Variants in IFI27 observed in about 807,000 individuals in gnomAD.
IFI27 encodes interferon alpha inducible protein 27, also known as interferon alpha-inducible protein 27, mitochondrial.
In IFI27, 3 loss-of-function variants were observed where a neutral mutation model predicts 8.9. The observed-to-expected ratio is 0.34, with a 90% CI of 0.15 to 0.87. IFI27 has a LOEUF of 0.87. Ranked by LOEUF, IFI27 falls within the 40% of genes least tolerant of loss-of-function variation. The pLI, the probability that IFI27 is intolerant of heterozygous loss-of-function variation, is 0.51. For synonymous variants in IFI27, 66 were observed against 67.3 expected (o/e 0.98, Z 0.09); for missense variants, 152 against 157.7 (o/e 0.96, Z 0.19).
intron 2 of IFI27, chr14:94,112,931 G>A (rs1887247384): frequency 6.6e-6 from 1 of 152,284 alleles, no homozygotes; most frequent in African/African-American, 2.4e-5. Context: ...CAGAAATGCA[G>A]ATGACTTCTC....
chr14:94,110,918 C>G (rs1448697237), intron 1 of IFI27, 121 bp downstream of exon 1: 2 of 154,362 alleles, frequency 1.3e-5, no homozygotes, highest in Non-Finnish European at 2.9e-5. Context: ...TGTTTTTGTT[C>G]TCATCAGGGA....
At chr14:94,108,528 ACATACATT>A (rs1201738901), upstream of IFI27, among the ~76,000 whole-genome samples, 2 of 152,226 alleles carry the variant, frequency 1.3e-5, no homozygotes, top group African/African-American at 4.8e-5. Context: ...GATGTCACAT[ACATACATT>A]CATACATTCA....
chr14:94,114,651 T>C (rs1887319476), intron 2 of IFI27, 200 bp from the exon 3 acceptor site: 1 of 605,452 alleles, frequency 1.7e-6, no homozygotes, highest in African/African-American at 1.8e-5. Flanking sequence ...AGCACTGAGG[T>C]CAAACTCCCC....
chr14:94,106,351 G>T (rs139454318), upstream of IFI27, among the ~76,000 whole-genome samples: 1 of 152,176 alleles, frequency 6.6e-6, no homozygotes, highest in African/African-American at 2.4e-5. Flanking sequence ...TGGGGTTTCT[G>T]GATCATATAG....
At position 94,116,126 on chromosome 14, in the gene IFI27, G is replaced by A; in HGVS notation, c.283+184G>A. The A allele has an allele frequency of 1.3e-6, 1 of 793,478 alleles. No homozygotes were observed. The highest frequency in any genetic ancestry group is 2.1e-6 in the Non-Finnish European group (1 of 469,054). The allele number at this position is 793,478 out of a possible 1,614,324, so 49.2% of individuals were successfully genotyped here. ...AGGGAAGGAGCCCAAGCCAGGAACA[G>A]TGCACTCAGGAAGACTCAGCCCGAA... On this transcript the variant is annotated intron_variant, in intron 4 of 4. Coordinates refer to ENST00000621160, the Ensembl canonical transcript of IFI27. The surrounding 1 kb of genome is among the most constrained non-coding windows in gnomAD (Gnocchi z 4.3).
chr14:94,111,654 T>C lies in IFI27; in HGVS notation c.-29T>C. ...GGCTGAAGTTGAGGATCTCTTACTC[T>C]CTAGGCCACGGAATTAACCCGAGCA... is the stretch of plus-strand genomic sequence containing the variant. On this transcript the variant is annotated 5_prime_UTR_variant, in exon 2 of 5. Transcript: ENST00000621160. The surrounding 1 kb of genome is among the most constrained non-coding windows in gnomAD (Gnocchi z 4.3). 6.3e-7 allele frequency: 1 copy of C among 1,595,842 alleles called. No individual in the cohort carries two copies. The highest frequency in any genetic ancestry group is 8.6e-7 in the Non-Finnish European group (1 of 1,163,336).
chr14:94,108,671 C>G (rs117582757), upstream of IFI27, among the ~76,000 whole-genome samples: 3,218 of 152,076 alleles, frequency 0.021, 101 homozygotes, highest in African/African-American at 0.065. Context: ...ACCTGCTGGA[C>G]CCCTGAATAG....
At position 94,111,947 on chromosome 14, in the gene IFI27, G is replaced by A. The variant is rs891472678; in HGVS notation, c.91+174G>A. 1 of 651,672 alleles carries A rather than the reference G, an allele frequency of 1.5e-6. No homozygotes were observed. Among genetic ancestry groups the A allele is most frequent in the African/African-American group, 1.8e-5 (1 of 56,244 alleles). 40.4% of individuals were successfully genotyped at this position (651,672 alleles called of 1,614,324 possible). A position where few individuals can be genotyped will look rare whatever the true frequency, so the allele number is the denominator to read the frequency against. ...AACTTTCCATCTGGGAGGGGGCCCG[G>A]GGCAGGCAGACTCTGGCCAGATGCC... is the stretch of plus-strand genomic sequence containing the variant. On this transcript the variant is annotated intron_variant, in intron 2 of 4. Coordinates refer to ENST00000621160, the Ensembl canonical transcript of IFI27. This position sits in a 1 kb window ranked among gnomAD's most constrained non-coding sequence, Gnocchi z 4.3.
chr14:94,115,967 G>A, intron 4 of IFI27, 25 bp downstream of exon 4: 1 of 1,555,064 alleles, frequency 6.4e-7, no homozygotes, highest in Admixed American at 1.9e-5. Context: ...GGGGCTTGCT[G>A]GGGAGGGCGA....
chr14:94,114,744 TC>T, intron 2 of IFI27, 106 bp from the exon 3 acceptor site: 1 of 1,205,960 alleles, frequency 8.3e-7, no homozygotes, highest in Non-Finnish European at 1.2e-6. Context: ...TTCTTGTGGC[TC>T]CCAACCTGGG....
chr14:94,107,351 G>A (rs1595402579), upstream of IFI27, among the ~76,000 whole-genome samples: 2 of 152,282 alleles, frequency 1.3e-5, no homozygotes, highest in East Asian at 1.9e-4. Context: ...GATTACAGGC[G>A]TGAGCCACCA....
intron 2 of IFI27, 69 bp from the exon 3 acceptor site, chr14:94,114,782 G>A (rs894831473): frequency 1.3e-6 from 2 of 1,564,880 alleles, no homozygotes; most frequent in African/African-American, 2.7e-5. Flanking sequence ...CTTTAGATGG[G>A]CAATCGGCTT....
At chr14:94,106,702 G>T (rs985293306), upstream of IFI27, among the ~76,000 whole-genome samples, 6 of 152,200 alleles carry the variant, frequency 3.9e-5, no homozygotes, top group Non-Finnish European at 8.8e-5. Flanking sequence ...TCATGGTTCT[G>T]CAGGGAGCAT....
upstream of IFI27, among the ~76,000 whole-genome samples, chr14:94,106,522 G>A (rs1050190433): frequency 2.6e-5 from 4 of 152,172 alleles, no homozygotes; most frequent in African/African-American, 9.7e-5. Flanking sequence ...TTGTGAGGTA[G>A]TATCTCATTG....
upstream of IFI27, among the ~76,000 whole-genome samples, chr14:94,110,161 C>T (rs1887120431): frequency 6.6e-6 from 1 of 152,226 alleles, no homozygotes; most frequent in South Asian, 2.1e-4. Flanking sequence ...CATAATTCTG[C>T]CTAGGTCACT....
At chr14:94,107,487 A>G (rs998012609), upstream of IFI27, among the ~76,000 whole-genome samples, 5 of 151,946 alleles carry the variant, frequency 3.3e-5, no homozygotes, top group East Asian at 7.7e-4. Flanking sequence ...AATTTCCCCT[A>G]TGTTTTCTTC....
rs2139290481 is a variant in IFI27, at chr14:94,111,843, G to A, written c.91+70G>A. 16 of 1,135,756 alleles carry A rather than the reference G, an allele frequency of 1.4e-5. No individual in the cohort carries two copies. The highest frequency in any genetic ancestry group is 6.2e-5 in the South Asian group (5 of 81,190). 70.4% of individuals were successfully genotyped at this position (1,135,756 alleles called of 1,614,324 possible). On this transcript the variant is annotated intron_variant, in intron 2 of 4. Transcript: ENST00000621160. The surrounding 1 kb of genome is among the most constrained non-coding windows in gnomAD (Gnocchi z 4.3). ...CTGGGAAGGGCGGGGGTCCTGTCCC[G>A]GGACCCGTGGGAGAGAAAATGGGGG...
At chr14:94,107,485 CTA>C (rs1440666653), upstream of IFI27, among the ~76,000 whole-genome samples, 1 of 152,128 alleles carries the variant, frequency 6.6e-6, no homozygotes, top group Non-Finnish European at 1.5e-5. Flanking sequence ...ATAATTTCCC[CTA>C]TGTTTTCTTC....
chr14:94,111,571 A>G lies in IFI27; in HGVS notation c.-58-54A>G, dbSNP rs1348237930. 1.6e-5 allele frequency: 13 copies of G among 835,808 alleles called. No homozygotes were observed. The Admixed American group carries it at 2.4e-4, about 15-fold the overall frequency. The allele number at this position is 835,808 out of a possible 1,614,324, so 51.8% of individuals were successfully genotyped here. ...CCGTCACATTTTTCAGGACAGTGGGAAGCAAGTCAGGTTGTGTGCCCATCC... is the reference window on the plus strand; with the variant it reads ...CCGTCACATTTTTCAGGACAGTGGGGAGCAAGTCAGGTTGTGTGCCCATCC... On this transcript the variant is annotated intron_variant, in intron 1 of 4. Coordinates refer to ENST00000621160, the Ensembl canonical transcript of IFI27. The surrounding 1 kb of genome is among the most constrained non-coding windows in gnomAD (Gnocchi z 4.3).
Sources: allele counts gnomAD v4.1 joint callset (sites outside exome capture counted in the v4.1 genomes callset), GRCh38; gene constraint gnomAD v4.1.1; non-coding constraint Gnocchi (gnomAD v3.1); transcripts MANE v1.5; gene names NCBI Gene and HGNC (gene_info 2026-07-23, HGNC 2026-07-21).